Variants in GCNT2 observed in about 807,000 individuals in gnomAD.
The protein encoded by GCNT2 is N-acetyllactosaminide beta-1,6-N-acetylglucosaminyl-transferase.
A neutral mutation model predicts 34.2 loss-of-function variants in GCNT2; 34 were observed. The observed-to-expected ratio is 1.00, with a 90% CI of 0.76 to 1.32. The LOEUF (loss-of-function observed/expected upper bound fraction) is 1.32. Among genes scored for constraint, GCNT2 ranks in the 40% most tolerant of loss-of-function variants. The probability of loss-of-function intolerance (pLI) is 0.00; values close to 1 mark genes in which losing one functional copy is unlikely to be tolerated. For missense variants in GCNT2, 584 were observed against 489.4 expected (o/e 1.19, Z -1.82); for synonymous variants, 212 against 188.0 (o/e 1.13, Z -1.04).
intron 2 of GCNT2, 60 bp downstream of exon 2, chr6:10,527,720 CGT>C (rs1008770547): frequency 2.1e-4 from 29 of 136,618 alleles, no homozygotes; most frequent in African/African-American, 7.8e-4. Flanking sequence ...TGTATGCATG[CGT>C]GTGTGTGAAC....
At chr6:10,531,040 C>CAAAAAA (rs568195630) in intron 3 of GCNT2, among the ~76,000 whole-genome samples, 2 of 95,784 alleles carry the variant, frequency 2.1e-5, no homozygotes, top group African/African-American at 4.1e-5. Flanking sequence ...GACTCTGTCT[C>CAAAAAA]AAAAAAAAAA....
At chr6:10,620,488 C>A (rs1765986399) in intron 3 of GCNT2, among the ~76,000 whole-genome samples, 1 of 151,822 alleles carries the variant, frequency 6.6e-6, no homozygotes, top group African/African-American at 2.4e-5. Context: ...CTCATTGCAG[C>A]CTTGACCTTC....
rs527823782 is a variant in GCNT2 at position 10,562,196 on chromosome 6, A to G, written c.925+32360A>G. On this transcript the variant is annotated intron_variant, in intron 3 of 4. Coordinates refer to ENST00000495262, the MANE Select transcript of GCNT2 (RefSeq NM_145649.5). Reference sequence around the variant, plus strand: ...CCCAGTTTGCCCAGGTCTGAGGGGCAGTCCTGGGCATGGGACCTTGATGGG... The same window carrying G: ...CCCAGTTTGCCCAGGTCTGAGGGGCGGTCCTGGGCATGGGACCTTGATGGG... Among the ~76,000 whole-genome samples, 8 of 152,252 alleles carry G rather than the reference A, an allele frequency of 5.3e-5. No individual in the cohort carries two copies. The South Asian group carries it at 1.7e-3, about 32-fold the overall frequency.
chr6:10,537,698 C>CAAAA (rs201257236), intron 3 of GCNT2, among the ~76,000 whole-genome samples: 49 of 83,158 alleles, frequency 5.9e-4, no homozygotes, highest in Admixed American at 7.0e-4. Flanking sequence ...GATTCTGCCG[C>CAAAA]AAAAAAAAAA....
In GCNT2 at chr6:10,621,406, G is replaced by A. The variant is rs745790285; in HGVS notation, c.981G>A (p.Lys327=). 1.9e-6 allele frequency: 3 copies of A among 1,613,622 alleles called. No individual in the cohort carries two copies. In the South Asian group the frequency reaches 3.3e-5, roughly 18 times the overall value. Residue 327 remains lysine, a synonymous_variant, in exon 4 of 5, where the codon AAG becomes AAA. Transcript: ENST00000495262. ...GGACTGGAAACCTCAGAGCTATAAA[G>A]TGGAGTGACATGGAAGACAGACACG... is the stretch of plus-strand genomic sequence containing the variant. The part of the protein sequence containing the change: ...ASWTGNLRAI[K]WSDMEDRHGG...
At chr6:10,567,787 G>A (rs567919392) in intron 3 of GCNT2, among the ~76,000 whole-genome samples, 2 of 152,304 alleles carry the variant, frequency 1.3e-5, no homozygotes, top group East Asian at 3.9e-4. Flanking sequence ...GCTAGCAAGA[G>A]AATTATCAAA....
chr6:10,569,275 C>CACACACACACACACACACCCACACA (rs1491437125), intron 3 of GCNT2, among the ~76,000 whole-genome samples: 1 of 101,332 alleles, frequency 9.9e-6, no homozygotes, highest in Non-Finnish European at 2.0e-5. Context: ...ACACACACAC[C>CACACACACACACACACACCCACACA]CCCTAGGTAA....
chr6:10,618,971 A>G (rs965244065), intron 3 of GCNT2, among the ~76,000 whole-genome samples: 5 of 152,226 alleles, frequency 3.3e-5, no homozygotes, highest in African/African-American at 1.2e-4. Flanking sequence ...ATTTAATTTT[A>G]GTTAGGAAAC....
Position 10,626,681 on chromosome 6 carries a change from T to C in GCNT2, c.*74T>C. ...GGAGCCTGTTTTTGTGAGAGACTTT[T>C]GCCTTCGTAATGTTAACCGTTTCAG... On this transcript the variant is annotated 3_prime_UTR_variant, in exon 5 of 5. Transcript: ENST00000495262. 8.8e-7 allele frequency: 1 copy of C among 1,137,758 alleles called. No homozygotes were observed. The highest frequency in any genetic ancestry group is 1.3e-6 in the Non-Finnish European group (1 of 752,782). The allele number at this position is 1,137,758 out of a possible 1,614,324, so 70.5% of individuals were successfully genotyped here. A position where few individuals can be genotyped will look rare whatever the true frequency, so the allele number is the denominator to read the frequency against.
intron 1 of GCNT2, among the ~76,000 whole-genome samples, chr6:10,525,207 AGT>A (rs1291469608): frequency 1.3e-5 from 2 of 152,062 alleles, no homozygotes; most frequent in East Asian, 3.9e-4. Context: ...CATCCTGGAG[AGT>A]GAGAATTTAT....
intron 3 of GCNT2, among the ~76,000 whole-genome samples, chr6:10,541,550 C>T (rs116589453): frequency 0.013 from 1,958 of 152,180 alleles, 37 homozygotes; most frequent in African/African-American, 0.04. Context: ...AATTCCTATA[C>T]GTTTTAGTTC....
chr6:10,601,126 C>T (rs1765071979), intron 3 of GCNT2, among the ~76,000 whole-genome samples: 1 of 152,082 alleles, frequency 6.6e-6, no homozygotes, highest in South Asian at 2.1e-4. Context: ...AGTATTGGTT[C>T]CTTTTGCCCT....
intron 3 of GCNT2, among the ~76,000 whole-genome samples, chr6:10,548,308 A>C (rs950045820): frequency 6.6e-6 from 1 of 152,246 alleles, no homozygotes; most frequent in African/African-American, 2.4e-5. Flanking sequence ...TCTGTGAAGC[A>C]GATCTGGGCA....
chr6:10,593,918 C>G (rs1346395918), intron 3 of GCNT2, among the ~76,000 whole-genome samples: 1 of 152,184 alleles, frequency 6.6e-6, no homozygotes, highest in Non-Finnish European at 1.5e-5. Flanking sequence ...TAAGTCTGTC[C>G]TCCCAATACT....
intron 3 of GCNT2, among the ~76,000 whole-genome samples, chr6:10,591,690 G>A (rs1460201790): frequency 1.3e-5 from 2 of 152,068 alleles, no homozygotes; most frequent in Non-Finnish European, 2.9e-5. Context: ...TACCACTCCC[G>A]GGCTACTCAC....
At chr6:10,541,192 G>C (rs502239) in intron 3 of GCNT2, among the ~76,000 whole-genome samples, 4,335 of 152,114 alleles carry the variant, frequency 0.028, 201 homozygotes, top group African/African-American at 0.098. Context: ...ACCAGCCCCA[G>C]TATGTGTTGT....
rs1766040282 is a variant in GCNT2, at chr6:10,621,592, C to T, written c.1018+149C>T. The stretch of plus-strand genomic sequence containing the variant: ...TGGAGAAGCCAGAGGCTTCAAGACA[C>T]AGTCCTTCAAAAATAAGTTTAAACA... On this transcript the variant is annotated intron_variant, in intron 4 of 4. Transcript: ENST00000495262. 4.4e-6 allele frequency: 3 copies of T among 680,676 alleles called. No homozygotes were observed. In the South Asian group the frequency reaches 4.6e-5, roughly 10 times the overall value. The allele number at this position is 680,676 out of a possible 1,614,324, so 42.2% of individuals were successfully genotyped here.
At chr6:10,541,339 G>C (rs919680363) in intron 3 of GCNT2, among the ~76,000 whole-genome samples, 1 of 152,130 alleles carries the variant, frequency 6.6e-6, no homozygotes, top group Non-Finnish European at 1.5e-5. Context: ...CAAAGGACAT[G>C]ATCTCGTTCC....
intron 1 of GCNT2, among the ~76,000 whole-genome samples, chr6:10,525,951 A>T (rs1300923933): frequency 6.6e-6 from 1 of 152,230 alleles, no homozygotes; most frequent in Admixed American, 6.5e-5. Context: ...AATTGTCTGG[A>T]TAAATTAGGA....
Sources: allele counts gnomAD v4.1 joint callset (sites outside exome capture counted in the v4.1 genomes callset), GRCh38; gene constraint gnomAD v4.1.1; transcripts MANE v1.5; gene names NCBI Gene and HGNC (gene_info 2026-07-23, HGNC 2026-07-21).